Variants in FBRSL1 observed in about 807,000 individuals in gnomAD.
FBRSL1 encodes the protein fibrosin like 1.
In FBRSL1, 51 loss-of-function variants were observed where a neutral mutation model predicts 89.6. The observed-to-expected ratio is 0.57, with a 90% CI of 0.45 to 0.72. The LOEUF (loss-of-function observed/expected upper bound fraction) is 0.72, where lower values mean the gene tolerates loss of function less well. FBRSL1 is among the 30% of genes least tolerant of loss of function. The probability of loss-of-function intolerance (pLI) is 0.00; values close to 1 mark genes in which losing one functional copy is unlikely to be tolerated. For synonymous variants in FBRSL1, 779 were observed against 681.1 expected (o/e 1.14, Z -2.24); for missense variants, 1,618 against 1,451.8 (o/e 1.11, Z -1.86).
At position 132,508,238 on chromosome 12, in the gene FBRSL1, C is replaced by T. The variant is rs544044707; in HGVS notation, c.377C>T (p.Pro126Leu). Residue 126 changes from proline (P) to leucine (L), a missense_variant, in exon 2 of 19, where the codon CCC becomes CTC. Coordinates refer to ENST00000680143, the MANE Select transcript of FBRSL1 (RefSeq NM_001367871.1). ...AAGCCCCGGGAGTCGGAAACCTGCCCCCCTGCGGAGCCCAGTGAGAACAGG... is the reference window on the plus strand; with the variant it reads ...AAGCCCCGGGAGTCGGAAACCTGCCTCCCTGCGGAGCCCAGTGAGAACAGG... ...IKKPRESETCPPAEPSENRRP... is the reference protein window; with the variant it reads ...IKKPRESETCLPAEPSENRRP... The T allele has an allele frequency of 1.4e-5, 21 of 1,550,896 alleles. No homozygotes were observed. The Admixed American group carries it at 4.1e-4, about 30-fold the overall frequency.
rs1447511215 is a variant in FBRSL1 at position 132,558,439 on chromosome 12, G to T, written c.646-9042G>T. Reference sequence around the variant, plus strand: ...AGGGCCCTGTGGCTTGCGGCATGCAGTGCGCCCGGAAGTGCCTATGTGGAC... The same window carrying T: ...AGGGCCCTGTGGCTTGCGGCATGCATTGCGCCCGGAAGTGCCTATGTGGAC... On this transcript the variant is annotated intron_variant, in intron 5 of 18. Coordinates refer to ENST00000680143, the MANE Select transcript of FBRSL1 (RefSeq NM_001367871.1). 7.9e-5 allele frequency among the ~76,000 whole-genome samples: 12 copies of T among 152,394 alleles called. No individual in the cohort carries two copies. The East Asian group carries it at 2.3e-3, about 29-fold the overall frequency.
chr12:132,493,110 G>A (rs959557135), intron 1 of FBRSL1, among the ~76,000 whole-genome samples: 1 of 152,244 alleles, frequency 6.6e-6, no homozygotes, highest in Non-Finnish European at 1.5e-5. Flanking sequence ...GGCAGAGCAA[G>A]AGCAAGGAGC....
At chr12:132,526,642 A>C (rs1400080961) in intron 3 of FBRSL1, among the ~76,000 whole-genome samples, 1 of 152,126 alleles carries the variant, frequency 6.6e-6, no homozygotes, top group African/African-American at 2.4e-5. Context: ...CTGACTCTGC[A>C]GTGGGGGTTG....
chr12:132,581,074 G>A, intron 15 of FBRSL1: 4 of 985,454 alleles, frequency 4.1e-6, no homozygotes, highest in Non-Finnish European at 4.8e-6. Flanking sequence ...TCAGCTCCCA[G>A]GTGAAAGCTC....
chr12:132,500,257 T>TA (rs770099382), intron 1 of FBRSL1, among the ~76,000 whole-genome samples: 7 of 152,264 alleles, frequency 4.6e-5, no homozygotes, highest in Non-Finnish European at 1.0e-4. Flanking sequence ...CTGGCGGCTT[T>TA]AGGGAGCAGA....
At chr12:132,524,628 C>T (rs1172185688) in intron 2 of FBRSL1, among the ~76,000 whole-genome samples, 1 of 152,176 alleles carries the variant, frequency 6.6e-6, no homozygotes, top group Non-Finnish European at 1.5e-5. Flanking sequence ...TCACCAGGGG[C>T]CCTGGCATGC....
intron 2 of FBRSL1, among the ~76,000 whole-genome samples, chr12:132,512,714 G>A (rs1253212238): frequency 6.6e-6 from 1 of 152,254 alleles, no homozygotes; most frequent in Non-Finnish European, 1.5e-5. Context: ...GGAGTGGGGA[G>A]GGGCCATCCA....
chr12:132,536,333 G>A (rs1235297315), intron 4 of FBRSL1, among the ~76,000 whole-genome samples: 3 of 151,584 alleles, frequency 2.0e-5, no homozygotes, highest in African/African-American at 7.3e-5. Flanking sequence ...ATGATGGTGT[G>A]TGTGCCACGT....
intron 5 of FBRSL1, among the ~76,000 whole-genome samples, chr12:132,549,296 C>T (rs1018630482): frequency 3.9e-5 from 6 of 152,164 alleles, no homozygotes; most frequent in Non-Finnish European, 5.9e-5. Context: ...CTCGCCCGTC[C>T]GCAGATGGAC....
At chr12:132,507,582 C>T (rs1310685692) in intron 1 of FBRSL1, among the ~76,000 whole-genome samples, 1 of 152,102 alleles carries the variant, frequency 6.6e-6, no homozygotes, top group East Asian at 1.9e-4. Flanking sequence ...GGGGTGTCCC[C>T]AGGGTCTGGT....
chr12:132,504,824 T>A (rs2033481045), intron 1 of FBRSL1, among the ~76,000 whole-genome samples: 1 of 152,110 alleles, frequency 6.6e-6, no homozygotes, highest in African/African-American at 2.4e-5. Context: ...GTCCTGTTTG[T>A]GTGGATTAGA....
chr12:132,506,133 A>T (rs2136528595), intron 1 of FBRSL1, among the ~76,000 whole-genome samples: 1 of 145,814 alleles, frequency 6.9e-6, no homozygotes, highest in Non-Finnish European at 1.5e-5. Context: ...GGCAGGACAG[A>T]TGGACATTCT....
At chr12:132,535,743 G>A (rs1469549656) in intron 4 of FBRSL1, among the ~76,000 whole-genome samples, 1 of 152,286 alleles carries the variant, frequency 6.6e-6, no homozygotes, top group Non-Finnish European at 1.5e-5. Context: ...TAGGAGTCCT[G>A]CATGTGTGCA....
intron 4 of FBRSL1, among the ~76,000 whole-genome samples, chr12:132,530,301 G>A (rs1482937210): frequency 2.6e-5 from 4 of 152,140 alleles, no homozygotes; most frequent in Admixed American, 2.6e-4. Flanking sequence ...CCTGGGTCAA[G>A]TGGGGTGTCC....
In FBRSL1 at chr12:132,570,155, C is replaced by T. The variant is rs889562586; in HGVS notation, c.921C>T (p.Arg307=). The change falls in exon 7 of 19, where the codon CGC becomes CGT. Residue 307 remains arginine, a synonymous_variant. Coordinates refer to ENST00000680143, the MANE Select transcript of FBRSL1 (RefSeq NM_001367871.1). ...HTPQPPPPQP[R]GLLPTHVPAS... ...CGCAGCCGCCACCCCCGCAGCCCCG[C>T]GGCCTGCTCCCGACACACGTGCCTG... 9.4e-6 allele frequency: 14 copies of T among 1,491,560 alleles called. No individual in the cohort carries two copies. The highest frequency in any genetic ancestry group is 2.7e-5 in the East Asian group (1 of 37,236). The allele number at this position is 1,491,560 out of a possible 1,614,324, so 92.4% of individuals were successfully genotyped here.
At chr12:132,538,186 C>T (rs950759296) in intron 4 of FBRSL1, among the ~76,000 whole-genome samples, 9 of 152,136 alleles carry the variant, frequency 5.9e-5, no homozygotes, top group African/African-American at 2.2e-4. Flanking sequence ...ACGGAAGGGG[C>T]CTGGGAGGGT....
In FBRSL1 at chr12:132,582,081, T is replaced by G. The variant is rs1391835677; in HGVS notation, c.2016T>G (p.Phe672Leu). 2 of 1,547,864 alleles carry G rather than the reference T, an allele frequency of 1.3e-6. No individual in the cohort carries two copies. Among genetic ancestry groups the G allele is most frequent in the East Asian group, 2.4e-5 (1 of 40,868 alleles). ...CCCCAGCTCCCGGTGGCAGCATCTT[T>G]GCCCCCAAGGAGGGCTCCTCCGTGC... ...SHALAPGGSI[F>L]APKEGSSVHG... Residue 672 changes from phenylalanine to leucine, a missense_variant, in exon 18 of 19, where the codon TTT becomes TTG. Transcript: ENST00000680143.
chr12:132,522,392 G>T (rs915921822), intron 2 of FBRSL1, among the ~76,000 whole-genome samples: 20 of 152,148 alleles, frequency 1.3e-4, no homozygotes, highest in Non-Finnish European at 2.4e-4. Context: ...GGGGACCTTG[G>T]GGGAGGGGCT....
chr12:132,564,831 GTGTTGGCCA>G (rs1566212972), intron 5 of FBRSL1, among the ~76,000 whole-genome samples: 3 of 148,162 alleles, frequency 2.0e-5, no homozygotes, highest in Non-Finnish European at 4.4e-5. Flanking sequence ...GGGTTTCACC[GTGTTGGCCA>G]GGATGGTCTC....
Sources: gnomAD v4.1 joint callset for allele counts (sites outside exome capture counted in the v4.1 genomes callset) on GRCh38, gnomAD v4.1.1 for gene constraint, MANE v1.5 for transcripts, NCBI Gene and HGNC (gene_info 2026-07-23, HGNC 2026-07-21) for gene names.